The following NAV3 variants were observed in gnomAD, a reference collection of about 807,000 sequenced individuals.
The protein encoded by NAV3 is pore membrane and/or filament interacting like protein 1.
In NAV3, 87 loss-of-function variants were observed where a neutral mutation model predicts 244.7. The observed-to-expected ratio is 0.36, with a 90% CI of 0.30 to 0.42. NAV3 has a LOEUF of 0.42. NAV3 is among the 20% of genes least tolerant of loss of function. The probability of loss-of-function intolerance (pLI) is 1.00; values close to 1 mark genes in which losing one functional copy is unlikely to be tolerated. For missense variants in NAV3, 2,663 were observed against 2,893.3 expected, an observed-to-expected ratio of 0.92 and a Z score of 1.83; for synonymous variants, 1,126 against 1,042.2, an observed-to-expected ratio of 1.08 and a Z score of -1.55.
At chr12:77,802,645 A>T (rs1052877769) in intron 2 of NAV3, among the ~76,000 whole-genome samples, 2 of 152,116 alleles carry the variant, frequency 1.3e-5, no homozygotes, top group Non-Finnish European at 2.9e-5. Context: ...CTTTAAAAAC[A>T]ACACTCTTCT....
chr12:77,693,398 A>G (rs1008999407), intron 2 of NAV3, among the ~76,000 whole-genome samples: 21 of 151,972 alleles, frequency 1.4e-4, no homozygotes, highest in African/African-American at 4.8e-4. Flanking sequence ...TCTGCACTGT[A>G]TAATCCAGTC....
intron 2 of NAV3, among the ~76,000 whole-genome samples, chr12:77,674,685 A>G (rs1012216448): frequency 9.9e-5 from 15 of 152,208 alleles, no homozygotes; most frequent in Admixed American, 9.2e-4. Flanking sequence ...CACCATGCCC[A>G]GTCTATACTC....
chr12:78,161,968 A>G (rs407971), intron 23 of NAV3, among the ~76,000 whole-genome samples: 151,977 of 152,238 alleles, frequency 1, 75,858 homozygotes, highest in Middle Eastern at 1. Context: ...AGGAAGCTAT[A>G]GTACAAAGGG....
chr12:78,138,648 G>C (rs1956475539), intron 19 of NAV3, among the ~76,000 whole-genome samples: 1 of 152,092 alleles, frequency 6.6e-6, no homozygotes, highest in South Asian at 2.1e-4. Context: ...AAATGGTTCT[G>C]TTGCTCTCTT....
chr12:78,059,148 T>G, intron 12 of NAV3, 33 bp downstream of exon 12: 1 of 1,586,800 alleles, frequency 6.3e-7, no homozygotes, highest in Non-Finnish European at 8.6e-7. Flanking sequence ...TGGTGAGACA[T>G]GCATGAAGTA....
intron 2 of NAV3, among the ~76,000 whole-genome samples, chr12:77,824,949 A>C (rs1018726059): frequency 2.6e-5 from 4 of 152,194 alleles, no homozygotes; most frequent in Non-Finnish European, 5.9e-5. Context: ...AGCTAAAATT[A>C]GTGATAAAGA....
At chr12:78,102,922 T>A (rs963769131) in intron 12 of NAV3, among the ~76,000 whole-genome samples, 10 of 152,112 alleles carry the variant, frequency 6.6e-5, no homozygotes, top group Admixed American at 1.3e-4. Flanking sequence ...AATCATTTTT[T>A]CCTCCTAGGC....
At chr12:78,205,430 A>G (rs891051394) in intron 39 of NAV3, among the ~76,000 whole-genome samples, 3 of 151,978 alleles carry the variant, frequency 2.0e-5, no homozygotes, top group African/African-American at 4.8e-5. Context: ...AATTTTCTAT[A>G]TTATGACTCA....
At chr12:77,653,490 G>C (rs1872923839) in intron 2 of NAV3, among the ~76,000 whole-genome samples, 1 of 152,184 alleles carries the variant, frequency 6.6e-6, no homozygotes, top group African/African-American at 2.4e-5. Context: ...GAAGTTCATA[G>C]TTCTAATTGG....
chr12:77,800,852 T>G (rs1289478916), intron 2 of NAV3, among the ~76,000 whole-genome samples: 1 of 152,066 alleles, frequency 6.6e-6, no homozygotes, highest in Non-Finnish European at 1.5e-5. Flanking sequence ...ATGCTAGCAA[T>G]TATTAGATTT....
chr12:78,162,870 AT>A (rs201936059), intron 23 of NAV3, among the ~76,000 whole-genome samples: 2,573 of 132,362 alleles, frequency 0.019, 39 homozygotes, highest in East Asian at 0.051. Context: ...TCAAAAAAAA[AT>A]ATATATATAT....
At position 78,006,605 on chromosome 12, in the gene NAV3, C is replaced by A. The variant is rs201358509; in HGVS notation, c.1067C>A (p.Ala356Asp). 6.2e-7 allele frequency: 1 copy of A among 1,614,106 alleles called. No homozygotes were observed. Among genetic ancestry groups the A allele is most frequent in the East Asian group, 2.2e-5 (1 of 44,864 alleles). ...TMLTVKQSSTATSPTPSSDRL... is the reference protein window; with the variant it reads ...TMLTVKQSSTDTSPTPSSDRL... ...TTGACTGTAAAGCAGTCAAGTACAG[C>A]CACCTCCCCCACACCATCTTCAGAC... Residue 356 changes from alanine (A) to aspartate (D), a missense_variant, in exon 8 of 40, where the codon GCC (alanine) becomes GAC (aspartate). Ala to Asp is a moderately radical substitution (Grantham distance 126, BLOSUM62 -2). Transcript: ENST00000397909.
At chr12:77,889,494 T>G (rs1326748003) in intron 1 of NAV3, among the ~76,000 whole-genome samples, 1 of 152,210 alleles carries the variant, frequency 6.6e-6, no homozygotes, top group Non-Finnish European at 1.5e-5. Context: ...TATCTATGGC[T>G]GAAATACTGG....
chr12:77,842,942 G>T (rs1875941532), intron 1 of NAV3, among the ~76,000 whole-genome samples: 1 of 151,942 alleles, frequency 6.6e-6, no homozygotes, highest in South Asian at 2.1e-4. Context: ...CACTTTTTAG[G>T]CTTAAAAAAT....
intron 5 of NAV3, among the ~76,000 whole-genome samples, chr12:77,992,885 A>G (rs1288225664): frequency 6.6e-6 from 1 of 152,208 alleles, no homozygotes; most frequent in African/African-American, 2.4e-5. Context: ...AGGGACCAAC[A>G]TGGTCAAATA....
At chr12:77,649,939 T>A (rs1872753624) in intron 2 of NAV3, among the ~76,000 whole-genome samples, 1 of 152,228 alleles carries the variant, frequency 6.6e-6, no homozygotes, top group African/African-American at 2.4e-5. Context: ...CAGAATAAGC[T>A]GAAACAGCAA....
rs567212900 is a variant in NAV3 at position 78,195,980 on chromosome 12, T to C, written c.6292-1267T>C. 5.9e-5 allele frequency among the ~76,000 whole-genome samples: 9 copies of C among 152,178 alleles called. No homozygotes were observed. In the South Asian group the frequency reaches 1.9e-3, roughly 32 times the overall value. Reference sequence around the variant, plus strand: ...GTTAAACCTACTTAAACTCCATTGATAGCAGGAATCAGACTTCACTATTTT... The same window carrying C: ...GTTAAACCTACTTAAACTCCATTGACAGCAGGAATCAGACTTCACTATTTT... On this transcript the variant is annotated intron_variant, in intron 34 of 39. Transcript: ENST00000397909.
At chr12:77,870,358 C>T (rs2136445022) in intron 1 of NAV3, among the ~76,000 whole-genome samples, 1 of 119,230 alleles carries the variant, frequency 8.4e-6, no homozygotes, top group South Asian at 3.3e-4. Context: ...AGTGAGACTC[C>T]ATCTCAAAAA....
intron 2 of NAV3, among the ~76,000 whole-genome samples, chr12:77,702,165 T>A (rs1875591298): frequency 6.6e-6 from 1 of 152,014 alleles, no homozygotes; most frequent in Non-Finnish European, 1.5e-5. Context: ...CACGTGGGAT[T>A]TTTCTGTCTC....
Sources: allele counts gnomAD v4.1 joint callset (sites outside exome capture counted in the v4.1 genomes callset), GRCh38; gene constraint gnomAD v4.1.1; transcripts MANE v1.5; gene names NCBI Gene and HGNC (gene_info 2026-07-23, HGNC 2026-07-21).